MUC17: variants seen among roughly 807,000 people sequenced by gnomAD.
The protein encoded by MUC17 is mucin 17, cell surface associated.
MUC17 carries 190 observed loss-of-function variants against 170.3 expected under a neutral mutation model. The observed-to-expected ratio is 1.12, with a 90% confidence interval of 0.99 to 1.26. The LOEUF (loss-of-function observed/expected upper bound fraction) is 1.26. MUC17 is among the 50% of genes most tolerant of loss of function. The pLI is 0.00. For missense variants in MUC17, 6,415 were observed against 5,530.0 expected, an observed-to-expected ratio of 1.16 and a Z score of -5.08; for synonymous variants, 2,325 against 2,002.5, an observed-to-expected ratio of 1.16 and a Z score of -4.30.
chr7:101,048,800 T>C (rs368881979), intron 4 of MUC17, 45 bp from the exon 5 acceptor site: 2 of 1,608,414 alleles, frequency 1.2e-6, no homozygotes, highest in Admixed American at 1.7e-5. Context: ...ATCTTCTGAG[T>C]AGGAAACTCA....
In MUC17 at chr7:101,034,769, C is replaced by T; in HGVS notation, c.3353C>T (p.Ala1118Val). 6.2e-7 allele frequency: 1 copy of T among 1,604,072 alleles called. No homozygotes were observed. ...VSTRLVVSSE[A>V]STLSTTPVDT... ...ACCAGGCTGGTGGTCAGTTCTGAGG[C>T]TAGCACCCTTTCCACAACTCCTGTC... The change falls in exon 3 of 13, where the codon GCT (alanine) becomes GTT (valine). Residue 1118 changes from alanine (A) to valine (V), a missense_variant. Ala to Val is a moderately conservative substitution (Grantham distance 64). Coordinates refer to ENST00000306151, the MANE Select transcript of MUC17 (RefSeq NM_001040105.2).
At position 101,036,582 on chromosome 7, in the gene MUC17, C is replaced by T. The variant is rs1381753856; in HGVS notation, c.5166C>T (p.Thr1722=). 1.4e-5 allele frequency: 23 copies of T among 1,613,428 alleles called. No homozygotes were observed. The highest frequency in any genetic ancestry group is 1.9e-5 in the Non-Finnish European group (23 of 1,179,650). Reference sequence around the variant, plus strand: ...CCGTTGACAACAGCACACCTGTGACCACTTCTACTGAAGCCCGTTCATCTC... The same window carrying T: ...CCGTTGACAACAGCACACCTGTGACTACTTCTACTGAAGCCCGTTCATCTC... ...TTPVDNSTPV[T]TSTEARSSPT... is the part of the protein sequence containing the mutation. The change falls in exon 3 of 13, where the codon ACC becomes ACT. Residue 1722 remains threonine, a synonymous_variant. Transcript: ENST00000306151.
intron 6 of MUC17, 35 bp from the exon 7 acceptor site, chr7:101,050,449 T>C: frequency 6.2e-7 from 1 of 1,603,918 alleles, no homozygotes; most frequent in Non-Finnish European, 8.5e-7. Context: ...AAGCACCCTA[T>C]TCTGACCCCA....
At chr7:101,030,995 C>A in intron 1 of MUC17, 125 bp from the exon 2 acceptor site, 2 of 1,218,642 alleles carry the variant, frequency 1.6e-6, no homozygotes, top group Non-Finnish European at 2.2e-6. Context: ...TGATTTCTAA[C>A]TAAAATCAGC....
intron 1 of MUC17, among the ~76,000 whole-genome samples, chr7:101,027,242 TAGTA>T (rs1459612897): frequency 1.3e-5 from 2 of 152,016 alleles, no homozygotes; most frequent in Admixed American, 6.6e-5. Context: ...GGATGAAAGG[TAGTA>T]AGTGAGGTTG....
rs140249948 is a variant in MUC17, at chr7:101,043,053, C to T, written c.11637C>T (p.Leu3879=). The T allele has an allele frequency of 8.1e-6, 13 of 1,614,118 alleles. No homozygotes were observed. In the South Asian group the frequency reaches 1.3e-4, roughly 16 times the overall value. ...AAAGAAGCACTCCATTAACAACTCT[C>T]CTTGTCAGCACCACACTTCCAACTA... ...TSERSTPLTT[L]LVSTTLPTSF... The change falls in exon 3 of 13, where the codon CTC becomes CTT. Residue 3879 remains leucine (L), a synonymous_variant. Coordinates refer to ENST00000306151, the MANE Select transcript of MUC17 (RefSeq NM_001040105.2).
Position 101,032,848 on chromosome 7 carries a change from GA to G in MUC17, c.1433del (p.Asp478AlafsTer6). ...TAGCAACCTTTCAACAACTCCTGTT[GA>G]CTCCAAAACTCAGGTGACCACTTCT... ...EASNLSTTPV[D>X]SKTQVTTSTE... On this transcript the variant is annotated frameshift_variant, in exon 3 of 13. Coordinates refer to ENST00000306151, the MANE Select transcript of MUC17 (RefSeq NM_001040105.2). LOFTEE classifies it high-confidence loss of function. 1 of 1,613,680 alleles carries G rather than the reference GA, an allele frequency of 6.2e-7. No individual in the cohort carries two copies. Among genetic ancestry groups the G allele is most frequent in the South Asian group, 1.1e-5 (1 of 91,030 alleles).
In MUC17 at chr7:101,043,398, C is replaced by G; in HGVS notation, c.11982C>G (p.Pro3994=). 6.2e-7 allele frequency: 1 copy of G among 1,614,142 alleles called. No homozygotes were observed. The highest frequency in any genetic ancestry group is 2.2e-5 in the East Asian group (1 of 44,888). The change falls in exon 3 of 13, where the codon CCC becomes CCG. Residue 3994 remains proline, a synonymous_variant. Transcript: ENST00000306151. The stretch of plus-strand genomic sequence containing the variant: ...CAACTACTAAGGAATTTACAACACC[C>G]GCAATGACTACTGCAGCTCCCCTCA... The part of the protein sequence containing the change: ...SFSTTKEFTT[P]AMTTAAPLTY...
At chr7:101,053,232 G>A (rs1794985499) in intron 10 of MUC17, 85 bp downstream of exon 10, 2 of 1,586,930 alleles carry the variant, frequency 1.3e-6, no homozygotes, top group Middle Eastern at 1.7e-4. Context: ...TCACTTCATA[G>A]TCTAGGTGGG....
chr7:101,021,369 G>A (rs1156642092), intron 1 of MUC17, among the ~76,000 whole-genome samples: 3 of 151,892 alleles, frequency 2.0e-5, no homozygotes, highest in African/African-American at 7.3e-5. Context: ...TATATTTTTA[G>A]TAAGGACAGG....
intron 4 of MUC17, 153 bp downstream of exon 4, chr7:101,048,268 AC>A (rs757683290): frequency 1.5e-5 from 11 of 713,916 alleles, no homozygotes; most frequent in Non-Finnish European, 2.2e-5. Flanking sequence ...TTTTGTTTCC[AC>A]CCAGTGCTAT....
Position 101,034,580 on chromosome 7 carries a change from C to A in MUC17, c.3164C>A (p.Ala1055Asp), listed in dbSNP as rs777735043. 6.2e-7 allele frequency: 1 copy of A among 1,605,552 alleles called. No individual in the cohort carries two copies. The highest frequency in any genetic ancestry group is 2.2e-5 in the East Asian group (1 of 44,492). The change falls in exon 3 of 13, where the codon GCC becomes GAC. Residue 1055 changes from alanine (A) to aspartate (D), a missense_variant. Physicochemically the swap from Ala to Asp is moderately radical, Grantham distance 126. Transcript: ENST00000306151. ...TRMPVSTTMV[A>D]SSETSTLSTT... ...ATGCCTGTCAGCACCACAATGGTGG[C>A]CAGTTCTGAAACGAGCACACTTTCA...
intron 1 of MUC17, among the ~76,000 whole-genome samples, chr7:101,027,273 G>T (rs1794197926): frequency 6.6e-6 from 1 of 151,990 alleles, no homozygotes; most frequent in Non-Finnish European, 1.5e-5. Context: ...GGGCACCTAG[G>T]GCCCATGCCC....
chr7:101,042,279 A>G lies in MUC17; in HGVS notation c.10863A>G (p.Glu3621=), dbSNP rs1794738359. ...GCAATTCTACTCCTACACCTCCTGA[A>G]GTTATCACCCTGCCAATGTCAACTC... ...TQSNSTPTPP[E]VITLPMSTPS... Residue 3621 remains glutamate (E), a synonymous_variant, in exon 3 of 13, where the codon GAA becomes GAG. Transcript: ENST00000306151. 6.2e-7 allele frequency: 1 copy of G among 1,612,474 alleles called. No homozygotes were observed.
Position 101,039,341 on chromosome 7 carries a change from C to G in MUC17, c.7925C>G (p.Thr2642Ser). ...TCATTAACAAGTATACTTGTCAGCA[C>G]CATGCCAGTGGCCAGTTCTGAGGCT... ...STSLTSILVSTMPVASSEAST... is the reference protein window; with the variant it reads ...STSLTSILVSSMPVASSEAST... The change falls in exon 3 of 13, where the codon ACC becomes AGC. Residue 2642 changes from threonine to serine, a missense_variant. Physicochemically the swap from Thr to Ser is moderately conservative, Grantham distance 58 (BLOSUM62 1). Coordinates refer to ENST00000306151, the MANE Select transcript of MUC17 (RefSeq NM_001040105.2). The G allele has an allele frequency of 6.2e-7, 1 of 1,613,176 alleles. No homozygotes were observed. Among genetic ancestry groups the G allele is most frequent in the Non-Finnish European group, 8.5e-7 (1 of 1,179,492 alleles).
Position 101,053,164 on chromosome 7 carries a change from C to A in MUC17, c.13265+17C>A. ...GGTGAAACGGTGAGCGAGCCCCTACCACCTCCTCTTCCAACTCCCTCCAGC... is the reference window on the plus strand; with the variant it reads ...GGTGAAACGGTGAGCGAGCCCCTACAACCTCCTCTTCCAACTCCCTCCAGC... On this transcript the variant is annotated intron_variant, in intron 10 of 12. Coordinates refer to ENST00000306151, the MANE Select transcript of MUC17 (RefSeq NM_001040105.2). 1 of 1,609,974 alleles carries A rather than the reference C, an allele frequency of 6.2e-7. No homozygotes were observed.
intron 1 of MUC17, among the ~76,000 whole-genome samples, chr7:101,028,430 C>T (rs1217555231): frequency 6.6e-6 from 1 of 151,934 alleles, no homozygotes; most frequent in East Asian, 1.9e-4. Context: ...GTTTCTATTG[C>T]CATCCCTTCA....
In MUC17 at chr7:101,040,049, C is replaced by G; in HGVS notation, c.8633C>G (p.Thr2878Ser). 6.2e-7 allele frequency: 1 copy of G among 1,612,504 alleles called. No homozygotes were observed. Among genetic ancestry groups the G allele is most frequent in the South Asian group, 1.1e-5 (1 of 90,996 alleles). Residue 2878 changes from threonine to serine, a missense_variant, in exon 3 of 13, where the codon ACC (threonine) becomes AGC (serine). Thr to Ser is a moderately conservative substitution (Grantham distance 58). Transcript: ENST00000306151. ...STLLTSIPVS[T>S]TPVASSEAST... ...CTATTAACAAGTATACCTGTCAGCA[C>G]CACGCCGGTGGCCAGTTCTGAGGCT...
rs374623804 is a variant in MUC17 at position 101,039,674 on chromosome 7, T to G, written c.8258T>G (p.Leu2753Ter). 109 of 1,612,016 alleles carry G rather than the reference T, an allele frequency of 6.8e-5. No homozygotes were observed. The highest frequency in any genetic ancestry group is 3.3e-4 in the Middle Eastern group (2 of 6,074). Reference protein sequence around the residue: ...ISTPSDGSTPLTSILVSTLPV... With the variant: ...ISTPSDGSTP ...ACTCCTAGTGATGGAAGTACTCCAT[T>G]AACAAGTATACTTGTCAGCACCCTG... Residue 2753 changes from leucine to a stop codon, truncating the protein, a stop_gained, in exon 3 of 13, where the codon TTA becomes TGA. Coordinates refer to ENST00000306151, the MANE Select transcript of MUC17 (RefSeq NM_001040105.2). LOFTEE classifies it high-confidence loss of function.
Sources: allele counts gnomAD v4.1 joint callset (sites outside exome capture counted in the v4.1 genomes callset), GRCh38; gene constraint gnomAD v4.1.1; transcripts MANE v1.5; gene names NCBI Gene and HGNC (gene_info 2026-07-23, HGNC 2026-07-21).